Variants in NXPE4 observed in about 807,000 individuals in gnomAD.
The protein encoded by NXPE4 is NXPE family member 4.
NXPE4 carries 42 observed loss-of-function variants against 33.3 expected under a neutral mutation model. The ratio of observed to expected loss-of-function variants is 1.26; its 90% CI spans 0.98 to 1.63. The LOEUF is 1.63. NXPE4 is among the 40% of genes most tolerant of loss of function. NXPE4 has a pLI of 0.00. For synonymous variants in NXPE4, 253 were observed against 234.9 expected (o/e 1.08, Z -0.71); for missense variants, 709 against 647.6 (o/e 1.09, Z -1.03).
the NXPE4 span, among the ~76,000 whole-genome samples, chr11:114,647,485 C>T: frequency 1.3e-5 from 2 of 152,034 alleles, no homozygotes; most frequent in East Asian, 1.9e-4. Flanking sequence ...TGTTTTATTT[C>T]CTTAATGCTC....
chr11:114,575,260 C>T (rs1445921295), intron 5 of NXPE4, among the ~76,000 whole-genome samples: 1 of 152,072 alleles, frequency 6.6e-6, no homozygotes, highest in East Asian at 1.9e-4. Flanking sequence ...AAGTTGAAAG[C>T]ATTCCCTCTG....
the NXPE4 span, among the ~76,000 whole-genome samples, chr11:114,612,672 G>A: frequency 5.8e-3 from 872 of 151,494 alleles, 7 homozygotes; most frequent in African/African-American, 0.019. Flanking sequence ...TGGATAATAC[G>A]TGTTGTCTCA....
At chr11:114,605,113 G>C in the NXPE4 span, among the ~76,000 whole-genome samples, 1 of 151,536 alleles carries the variant, frequency 6.6e-6, no homozygotes, top group African/African-American at 2.4e-5. Context: ...CTGTTACCCT[G>C]TGGAAGATAA....
the NXPE4 span, among the ~76,000 whole-genome samples, chr11:114,626,010 G>A: frequency 2.6e-5 from 4 of 152,326 alleles, no homozygotes; most frequent in South Asian, 4.1e-4. Flanking sequence ...TCCCGCATTT[G>A]GCTCAAAGGG....
At chr11:114,651,337 G>A in the NXPE4 span, among the ~76,000 whole-genome samples, 5 of 152,006 alleles carry the variant, frequency 3.3e-5, no homozygotes, top group African/African-American at 1.2e-4. Flanking sequence ...GCTCGTTAAG[G>A]TGGCACGTCC....
chr11:114,641,978 C>G, the NXPE4 span, among the ~76,000 whole-genome samples: 5 of 151,916 alleles, frequency 3.3e-5, no homozygotes, highest in Non-Finnish European at 5.9e-5. Flanking sequence ...TATAACAACA[C>G]AATTGATGAG....
the NXPE4 span, among the ~76,000 whole-genome samples, chr11:114,605,807 C>T: frequency 2.6e-5 from 4 of 151,620 alleles, no homozygotes; most frequent in African/African-American, 4.9e-5. Flanking sequence ...TCTAGGGTTA[C>T]CACTGTTACG....
At chr11:114,599,844 C>T (rs899046152), upstream of NXPE4, among the ~76,000 whole-genome samples, 5 of 152,056 alleles carry the variant, frequency 3.3e-5, no homozygotes, top group African/African-American at 1.2e-4. Flanking sequence ...GCCCCAGCTC[C>T]AACACTGGGG....
At chr11:114,638,449 CCTT>C in the NXPE4 span, among the ~76,000 whole-genome samples, 1 of 151,962 alleles carries the variant, frequency 6.6e-6, no homozygotes, top group Non-Finnish European at 1.5e-5. Flanking sequence ...TTGTCTGAAG[CCTT>C]CTTCTCTCAA....
chr11:114,623,500 A>G, the NXPE4 span, among the ~76,000 whole-genome samples: 3 of 151,654 alleles, frequency 2.0e-5, no homozygotes, highest in Admixed American at 6.6e-5. Context: ...ACTGTTACCC[A>G]GTGGATAATA....
chr11:114,613,176 G>A, the NXPE4 span, among the ~76,000 whole-genome samples: 4 of 151,286 alleles, frequency 2.6e-5, no homozygotes, highest in African/African-American at 4.9e-5. Context: ...GATAATTAGT[G>A]TTGCCTCTAG....
chr11:114,625,188 C>T, the NXPE4 span, among the ~76,000 whole-genome samples: 11 of 148,022 alleles, frequency 7.4e-5, no homozygotes, highest in East Asian at 4.1e-4. Flanking sequence ...GTGGATAATA[C>T]GTGTGGCCTT....
chr11:114,626,710 C>G, the NXPE4 span, among the ~76,000 whole-genome samples: 1 of 152,150 alleles, frequency 6.6e-6, no homozygotes, highest in Non-Finnish European at 1.5e-5. Context: ...TTCAGACAAT[C>G]AAATTATTCC....
intron 5 of NXPE4, among the ~76,000 whole-genome samples, chr11:114,574,169 A>G (rs1183019161): frequency 6.6e-6 from 1 of 152,152 alleles, no homozygotes; most frequent in African/African-American, 2.4e-5. Context: ...CTGAACCATA[A>G]TAGTGATACA....
chr11:114,623,104 C>T, the NXPE4 span, among the ~76,000 whole-genome samples: 13 of 150,906 alleles, frequency 8.6e-5, no homozygotes, highest in Middle Eastern at 3.5e-3. Flanking sequence ...CGTTGCCTGG[C>T]GGATAAGCAC....
chr11:114,630,773 A>G, the NXPE4 span, among the ~76,000 whole-genome samples: 2 of 151,900 alleles, frequency 1.3e-5, no homozygotes, highest in Non-Finnish European at 2.9e-5. Context: ...CAACCTACTC[A>G]TCTGATAAAG....
the NXPE4 span, among the ~76,000 whole-genome samples, chr11:114,638,482 G>A: frequency 4.5e-3 from 691 of 152,046 alleles, 7 homozygotes; most frequent in African/African-American, 0.016. Context: ...GTCATTCTCC[G>A]TCCAACTTTG....
At chr11:114,647,700 ATTTTATTTTT>A in the NXPE4 span, among the ~76,000 whole-genome samples, 1 of 144,112 alleles carries the variant, frequency 6.9e-6, no homozygotes, top group East Asian at 1.9e-4. Context: ...GACTTATTTT[ATTTTATTTTT>A]TTTTTTTTTG....
At chr11:114,635,535 C>T in the NXPE4 span, among the ~76,000 whole-genome samples, 30 of 152,006 alleles carry the variant, frequency 2.0e-4, 1 homozygote, top group Admixed American at 2.0e-3. Context: ...GCATCCCTGT[C>T]TTGTGCCAGT....
Sources: gnomAD v4.1 joint callset for allele counts (sites outside exome capture counted in the v4.1 genomes callset) on GRCh38, gnomAD v4.1.1 for gene constraint, MANE v1.5 for transcripts, NCBI Gene and HGNC (gene_info 2026-07-23, HGNC 2026-07-21) for gene names.